Variants in TRANK1 observed in about 807,000 individuals in gnomAD.
TRANK1 encodes tetratricopeptide repeat and ankyrin repeat containing 1.
Under a neutral mutation model 266.0 loss-of-function variants are expected in TRANK1, and 198 were observed. The ratio of observed to expected loss-of-function variants is 0.74; its 90% CI spans 0.66 to 0.84. The LOEUF is 0.84. Ranked by LOEUF, TRANK1 falls within the 40% of genes least tolerant of loss-of-function variation. The pLI, the probability that TRANK1 is intolerant of heterozygous loss-of-function variation, is 0.00. For missense variants in TRANK1, 3,326 were observed against 3,634.6 expected (o/e 0.92, Z 2.18); for synonymous variants, 1,396 against 1,384.1 (o/e 1.01, Z -0.19).
chr3:36,860,152 A>G (rs2079121958), intron 11 of TRANK1, among the ~76,000 whole-genome samples: 1 of 152,208 alleles, frequency 6.6e-6, no homozygotes, highest in Non-Finnish European at 1.5e-5. Flanking sequence ...TACATAGCCA[A>G]GGTACTCTTC....
intron 8 of TRANK1, among the ~76,000 whole-genome samples, chr3:36,874,578 A>G (rs908353377): frequency 2.0e-5 from 3 of 152,140 alleles, no homozygotes; most frequent in Non-Finnish European, 2.9e-5. Flanking sequence ...GAGAGGGGGA[A>G]TCTGGTTACT....
chr3:36,915,986 T>C (rs1439490488), intron 1 of TRANK1, among the ~76,000 whole-genome samples: 3 of 152,172 alleles, frequency 2.0e-5, no homozygotes, highest in African/African-American at 7.2e-5. Flanking sequence ...TGATGGATCT[T>C]GAAGGCCATC....
At chr3:36,866,080 G>GAA (rs1178757733) in intron 9 of TRANK1, among the ~76,000 whole-genome samples, 3 of 149,904 alleles carry the variant, frequency 2.0e-5, no homozygotes, top group Non-Finnish European at 4.4e-5. Flanking sequence ...AAGAAAGAAA[G>GAA]AAAGAAAGAA....
chr3:36,897,304 C>CA (rs1261167298), intron 4 of TRANK1, among the ~76,000 whole-genome samples: 8 of 151,616 alleles, frequency 5.3e-5, no homozygotes, highest in East Asian at 1.9e-4. Context: ...GACACCGTCT[C>CA]AAAAAAAAGA....
chr3:36,845,112 T>A (rs1166833636), intron 17 of TRANK1, among the ~76,000 whole-genome samples: 3 of 151,900 alleles, frequency 2.0e-5, no homozygotes, highest in Non-Finnish European at 4.4e-5. Flanking sequence ...GTAAAAAGTG[T>A]CCATATCTAC....
intron 1 of TRANK1, among the ~76,000 whole-genome samples, chr3:36,934,485 G>A (rs1000718251): frequency 2.0e-5 from 3 of 152,072 alleles, no homozygotes. Context: ...TTAAAAACGA[G>A]GGAAGCAAGG....
At chr3:36,905,788 G>C (rs893659337) in intron 2 of TRANK1, among the ~76,000 whole-genome samples, 3 of 152,154 alleles carry the variant, frequency 2.0e-5, no homozygotes, top group African/African-American at 7.2e-5. Context: ...GCTTGGTTTA[G>C]ACACCATCCC....
At chr3:36,829,729 A>G in intron 22 of TRANK1, 67 bp from the exon 23 acceptor site, 1 of 1,508,554 alleles carries the variant, frequency 6.6e-7, no homozygotes, top group South Asian at 1.1e-5. Context: ...ACCAATTACT[A>G]GACCCAGAGT....
chr3:36,863,236 A>G (rs2079169199), intron 10 of TRANK1, among the ~76,000 whole-genome samples: 1 of 152,258 alleles, frequency 6.6e-6, no homozygotes, highest in African/African-American at 2.4e-5. Context: ...AACACAGGCC[A>G]TAAGACACAA....
rs1559411111 is a variant in TRANK1 at position 36,830,968 on chromosome 3, T to C, written c.8615A>G (p.Lys2872Arg). 1.9e-6 allele frequency: 3 copies of C among 1,614,032 alleles called. No individual in the cohort carries two copies. In the East Asian group the frequency reaches 6.7e-5, roughly 36 times the overall value. ...SVWIHSHVGS[K>R]EHSHMLQKVQ... ...CTTCTGCAGCATGTGGCTGTGCTCCTTGGAGCCCACGTGACTGTGGATCCA... is the reference window on the plus strand; with the variant it reads ...CTTCTGCAGCATGTGGCTGTGCTCCCTGGAGCCCACGTGACTGTGGATCCA... The change falls in exon 22 of 24, where the codon AAG becomes AGG. Residue 2872 changes from lysine to arginine, a missense_variant. By Grantham distance (26) the Lys-to-Arg change is conservative (BLOSUM62 2). Coordinates refer to ENST00000645898, the MANE Select transcript of TRANK1 (RefSeq NM_001329998.2).
Position 36,847,259 on chromosome 3 carries a change from G to C in TRANK1, c.4975C>G (p.Leu1659Val). The C allele has an allele frequency of 1.9e-6, 3 of 1,613,560 alleles. No individual in the cohort carries two copies. Among genetic ancestry groups the C allele is most frequent in the South Asian group, 1.1e-5 (1 of 90,990 alleles). ...CCCTGAGAAGAGCCTGGTTTGTCCAGGGGTACTTCAACCAATGGCCGGTTT... is the reference window on the plus strand; with the variant it reads ...CCCTGAGAAGAGCCTGGTTTGTCCACGGGTACTTCAACCAATGGCCGGTTT... ...EENRPLVEVPLDKPGSSQGRS... is the reference protein window; with the variant it reads ...EENRPLVEVPVDKPGSSQGRS... Residue 1659 changes from leucine to valine, a missense_variant, in exon 16 of 24, where the codon CTG becomes GTG. By Grantham distance (32) the Leu-to-Val change is conservative. Coordinates refer to ENST00000645898, the MANE Select transcript of TRANK1 (RefSeq NM_001329998.2).
intron 1 of TRANK1, among the ~76,000 whole-genome samples, chr3:36,933,944 T>C (rs2080391699): frequency 6.6e-6 from 1 of 152,150 alleles, no homozygotes; most frequent in South Asian, 2.1e-4. Flanking sequence ...TGTCTGGAAA[T>C]AGCCCCAACT....
intron 1 of TRANK1, among the ~76,000 whole-genome samples, chr3:36,938,993 C>T (rs1172194971): frequency 1.3e-5 from 2 of 151,262 alleles, no homozygotes; most frequent in South Asian, 2.1e-4. Context: ...AAAAATTAGT[C>T]GGGTGTTGTG....
At chr3:36,913,394 C>T (rs1461666904) in intron 1 of TRANK1, among the ~76,000 whole-genome samples, 1 of 139,600 alleles carries the variant, frequency 7.2e-6, no homozygotes, top group East Asian at 2.0e-4. Context: ...TGCCTGTTTG[C>T]TTGCTTGCTT....
At position 36,832,477 on chromosome 3, in the gene TRANK1, T is replaced by C. The variant is rs773648398; in HGVS notation, c.7106A>G (p.Lys2369Arg). 6.2e-7 allele frequency: 1 copy of C among 1,613,960 alleles called. No individual in the cohort carries two copies. Among genetic ancestry groups the C allele is most frequent in the Non-Finnish European group, 8.5e-7 (1 of 1,179,896 alleles). Residue 2369 changes from lysine to arginine, a missense_variant, in exon 22 of 24, where the codon AAG (lysine) becomes AGG (arginine). Coordinates refer to ENST00000645898, the MANE Select transcript of TRANK1 (RefSeq NM_001329998.2). ...GCCTCTCCCCCTGCCCCTTTCATCC[T>C]TTTCAGACTCTAGAGCTTTGAGTTC... is the stretch of plus-strand genomic sequence containing the variant. ...NRELKALESE[K>R]DERGRGRGSR...
chr3:36,831,293 C>A lies in TRANK1; in HGVS notation c.8290G>T (p.Val2764Leu). The A allele has an allele frequency of 6.2e-7, 1 of 1,613,446 alleles. No individual in the cohort carries two copies. Among genetic ancestry groups the A allele is most frequent in the African/African-American group, 1.3e-5 (1 of 75,030 alleles). ...CATAGGTCACACTGGGTCCTGTCCA[C>A]GTCTGCCTTTTTGAAGTTCCCAGCC... Reference protein sequence around the residue: ...PRAGNFKKADVDRTQCDLCGV... With the variant: ...PRAGNFKKADLDRTQCDLCGV... Residue 2764 changes from valine (V) to leucine (L), a missense_variant, in exon 22 of 24, where the codon GTG (valine) becomes TTG (leucine). Val to Leu is a conservative substitution (Grantham distance 32, BLOSUM62 1). Coordinates refer to ENST00000645898, the MANE Select transcript of TRANK1 (RefSeq NM_001329998.2). The surrounding 1 kb of genome is among the most constrained non-coding windows in gnomAD (Gnocchi z 5.0).
In TRANK1 at chr3:36,828,192, T is replaced by C. The variant is rs1167587510; in HGVS notation, c.*83A>G. ...ATTTTTAAAATGCTAATTCACATTC[T>C]TTTTGTCTTCTGCCCCAGCGCTCAG... On this transcript the variant is annotated 3_prime_UTR_variant, in exon 24 of 24. Transcript: ENST00000645898. 50 of 1,010,388 alleles carry C rather than the reference T, an allele frequency of 4.9e-5. No individual in the cohort carries two copies. The highest frequency in any genetic ancestry group is 7.4e-5 in the Non-Finnish European group (49 of 663,526). 62.6% of individuals were successfully genotyped at this position (1,010,388 alleles called of 1,614,324 possible). A position where few individuals can be genotyped will look rare whatever the true frequency, so the allele number is the denominator to read the frequency against.
chr3:36,832,586 C>T lies in TRANK1; in HGVS notation c.6997G>A (p.Ala2333Thr). The T allele has an allele frequency of 6.2e-7, 1 of 1,613,702 alleles. No homozygotes were observed. Residue 2333 changes from alanine (A) to threonine (T), a missense_variant, in exon 22 of 24, where the codon GCC (alanine) becomes ACC (threonine). Physicochemically the swap from Ala to Thr is moderately conservative, Grantham distance 58. Coordinates refer to ENST00000645898, the MANE Select transcript of TRANK1 (RefSeq NM_001329998.2). ...RRESTDLWLS[A>T]MQAFLLSSNY... ...GAAGAGAGAAGGAAAGCTTGCATGGCACTCAGCCACAGGTCTGTGGATTCC... is the reference window on the plus strand; with the variant it reads ...GAAGAGAGAAGGAAAGCTTGCATGGTACTCAGCCACAGGTCTGTGGATTCC...
intron 3 of TRANK1, among the ~76,000 whole-genome samples, chr3:36,902,876 A>C (rs539008584): frequency 4.8e-4 from 73 of 152,368 alleles, no homozygotes; most frequent in African/African-American, 1.6e-3. Context: ...TACAAAGTGC[A>C]TTTCAACACT....
Sources: gnomAD v4.1 joint callset for allele counts (sites outside exome capture counted in the v4.1 genomes callset) on GRCh38, gnomAD v4.1.1 for gene constraint, Gnocchi (gnomAD v3.1) non-coding constraint, MANE v1.5 for transcripts, NCBI Gene and HGNC (gene_info 2026-07-23, HGNC 2026-07-21) for gene names.